The following RFX7 variants were observed in gnomAD, a reference collection of about 807,000 sequenced individuals.
RFX7 encodes the protein regulatory factor X7, also known as DNA-binding protein RFX7.
RFX7 carries 26 observed loss-of-function variants against 111.8 expected under a neutral mutation model. The observed-to-expected ratio is 0.23, with a 90% CI of 0.17 to 0.32. The LOEUF (loss-of-function observed/expected upper bound fraction) is 0.32, where lower values mean the gene tolerates loss of function less well. Ranked by LOEUF, RFX7 falls within the 10% of genes least tolerant of loss-of-function variation. The pLI, the probability that RFX7 is intolerant of heterozygous loss-of-function variation, is 1.00. For synonymous variants in RFX7, 624 were observed against 624.4 expected, an observed-to-expected ratio of 1.00 and a Z score of 0.01; for missense variants, 1,573 against 1,772.9, an observed-to-expected ratio of 0.89 and a Z score of 2.02.
intron 2 of RFX7, among the ~76,000 whole-genome samples, chr15:56,188,343 G>A (rs1179528335): frequency 6.6e-6 from 1 of 152,078 alleles, no homozygotes. Context: ...ATGTACAATG[G>A]GAGAGGAGAG....
At chr15:56,133,934 C>A (rs1196003136) in intron 5 of RFX7, among the ~76,000 whole-genome samples, 2 of 152,078 alleles carry the variant, frequency 1.3e-5, no homozygotes, top group African/African-American at 4.8e-5. Flanking sequence ...GTGTCTCTTA[C>A]AATAACCATA....
chr15:56,190,207 A>T (rs943603809), intron 2 of RFX7, among the ~76,000 whole-genome samples: 4 of 152,222 alleles, frequency 2.6e-5, no homozygotes, highest in Non-Finnish European at 4.4e-5. Context: ...CTCACTGGGA[A>T]GGATCATGTA....
chr15:56,130,519 T>C (rs1341751689), intron 5 of RFX7, among the ~76,000 whole-genome samples: 2 of 152,054 alleles, frequency 1.3e-5, no homozygotes, highest in African/African-American at 4.8e-5. Context: ...ACAACTCATA[T>C]GCATATCAAA....
intron 3 of RFX7, among the ~76,000 whole-genome samples, chr15:56,152,622 C>G (rs936180863): frequency 1.3e-5 from 2 of 151,614 alleles, no homozygotes; most frequent in Admixed American, 1.3e-4. Flanking sequence ...AATTGACACC[C>G]TAACATCAAA....
chr15:56,214,053 T>C (rs1472201486), intron 2 of RFX7, among the ~76,000 whole-genome samples: 1 of 152,188 alleles, frequency 6.6e-6, no homozygotes, highest in Non-Finnish European at 1.5e-5. Flanking sequence ...TTATATCAAG[T>C]ATCCATCATG....
intron 2 of RFX7, among the ~76,000 whole-genome samples, chr15:56,186,640 A>ATG (rs1567040740): frequency 6.6e-6 from 1 of 152,002 alleles, no homozygotes; most frequent in Non-Finnish European, 1.5e-5. Context: ...ACATGTGTGT[A>ATG]TGTGTATATA....
chr15:56,139,865 A>G (rs565790759), intron 5 of RFX7, among the ~76,000 whole-genome samples: 47 of 152,268 alleles, frequency 3.1e-4, no homozygotes, highest in African/African-American at 1.1e-3. Context: ...GTCTGTTGGA[A>G]TACGCTGCAG....
intron 5 of RFX7, among the ~76,000 whole-genome samples, chr15:56,140,975 A>G (rs1403883147): frequency 6.6e-6 from 1 of 152,184 alleles, no homozygotes; most frequent in African/African-American, 2.4e-5. Context: ...TAAAGTCATC[A>G]CTTCAAAAAT....
intron 2 of RFX7, among the ~76,000 whole-genome samples, chr15:56,191,752 C>T (rs902604904): frequency 4.6e-5 from 7 of 152,010 alleles, no homozygotes; most frequent in African/African-American, 1.7e-4. Context: ...CCAGGAAAAC[C>T]GACCTCTTAC....
chr15:56,131,073 G>A (rs2042205498), intron 5 of RFX7, among the ~76,000 whole-genome samples: 1 of 151,474 alleles, frequency 6.6e-6, no homozygotes, highest in Admixed American at 6.6e-5. Flanking sequence ...TTGCAAAGCT[G>A]GCCTAACCCT....
intron 5 of RFX7, among the ~76,000 whole-genome samples, chr15:56,122,514 C>T (rs2042091759): frequency 6.6e-6 from 1 of 152,180 alleles, no homozygotes. Flanking sequence ...TTGCCCAAGG[C>T]TCACTGTTAC....
At chr15:56,115,099 C>T (rs974920815) in intron 5 of RFX7, among the ~76,000 whole-genome samples, 2 of 152,168 alleles carry the variant, frequency 1.3e-5, no homozygotes, top group African/African-American at 2.4e-5. Flanking sequence ...CAACCTCCAC[C>T]TCTGGGTTCA....
At chr15:56,120,866 A>C (rs1427479792) in intron 5 of RFX7, among the ~76,000 whole-genome samples, 8 of 152,378 alleles carry the variant, frequency 5.3e-5, no homozygotes, top group African/African-American at 1.4e-4. Context: ...AAGCCAAAAG[A>C]GAACTAATAA....
chr15:56,109,995 C>G (rs2041892614), intron 5 of RFX7, among the ~76,000 whole-genome samples: 1 of 141,756 alleles, frequency 7.1e-6, no homozygotes, highest in African/African-American at 2.6e-5. Flanking sequence ...GGCCAGCCGC[C>G]CCGTCCGGGA....
At chr15:56,158,780 G>C (rs1402853604) in intron 3 of RFX7, among the ~76,000 whole-genome samples, 1 of 152,000 alleles carries the variant, frequency 6.6e-6, no homozygotes, top group East Asian at 1.9e-4. Context: ...CCAGGATTGT[G>C]CCACTACAGC....
rs58597217 is a variant in RFX7, at chr15:56,179,761, AACACACACACACACACACAC to A, written c.162-478_162-459del. Among the ~76,000 whole-genome samples the A allele has an allele frequency of 3.8e-4, 52 of 137,388 alleles. 1 individual carries two copies. The highest frequency in any genetic ancestry group is 3.3e-3 in the South Asian group (13 of 3,996). The allele number at this position is 137,388 out of a possible 152,430, so 90.1% of individuals were successfully genotyped here. ...TTCTGTTCCCTCCTCTCTCTGTCTC[AACACACACACACACACACAC>A]ACACACACACACACACACACACACA... is the stretch of plus-strand genomic sequence containing the variant. On this transcript the variant is annotated intron_variant, in intron 2 of 9. Transcript: ENST00000559447.
Position 56,088,085 on chromosome 15 carries a change from G to T in RFX7, c.*5260C>A. The T allele has an allele frequency of 4.7e-6, 1 of 213,276 alleles. No homozygotes were observed. Among genetic ancestry groups the T allele is most frequent in the Non-Finnish European group, 9.8e-6 (1 of 101,684 alleles). 13.2% of individuals were successfully genotyped at this position (213,276 alleles called of 1,614,324 possible). A position where few individuals can be genotyped will look rare whatever the true frequency, so the allele number is the denominator to read the frequency against. ...AAAGCAATAAAAATGAAAAAGAATT[G>T]TTGACATATAAGGATGGGAGGTTAA... On this transcript the variant is annotated 3_prime_UTR_variant, in exon 10 of 10. Transcript: ENST00000559447.
At chr15:56,196,773 G>A (rs549164372) in intron 2 of RFX7, among the ~76,000 whole-genome samples, 2 of 152,218 alleles carry the variant, frequency 1.3e-5, no homozygotes, top group East Asian at 1.9e-4. Context: ...TAATATGCAC[G>A]GTATTCCATT....
intron 5 of RFX7, among the ~76,000 whole-genome samples, chr15:56,107,956 A>T (rs1286577792): frequency 6.6e-6 from 1 of 152,238 alleles, no homozygotes; most frequent in African/African-American, 2.4e-5. Context: ...GAAAATCTAG[A>T]AGAAATGGAA....
Sources: allele counts gnomAD v4.1 joint callset (sites outside exome capture counted in the v4.1 genomes callset), GRCh38; gene constraint gnomAD v4.1.1; transcripts MANE v1.5; gene names NCBI Gene and HGNC (gene_info 2026-07-23, HGNC 2026-07-21).